Variants in ELK3 observed in about 807,000 individuals in gnomAD.
The protein encoded by ELK3 is ETS domain-containing protein Elk-3.
Under a neutral mutation model 28.9 loss-of-function variants are expected in ELK3, and 10 were observed. The ratio of observed to expected loss-of-function variants is 0.35; its 90% CI spans 0.21 to 0.59. The LOEUF (loss-of-function observed/expected upper bound fraction) is 0.59, where lower values mean the gene tolerates loss of function less well. Ranked by LOEUF, ELK3 falls within the 20% of genes least tolerant of loss-of-function variation. The pLI, the probability that ELK3 is intolerant of heterozygous loss-of-function variation, is 0.82. For synonymous variants in ELK3, 272 were observed against 243.5 expected, an observed-to-expected ratio of 1.12 and a Z score of -1.09; for missense variants, 463 against 517.3, an observed-to-expected ratio of 0.90 and a Z score of 1.02.
At chr12:96,260,224 TGTTTGAGCCCAGGA>T (rs1323761304) in intron 4 of ELK3, among the ~76,000 whole-genome samples, 3 of 152,188 alleles carry the variant, frequency 2.0e-5, no homozygotes, top group Admixed American at 2.0e-4. Context: ...GTGGGAGGAT[TGTTTGAGCCCAGGA>T]GTTTGAGACC....
rs564184613 is a variant in ELK3 at position 96,267,342 on chromosome 12, CTG to C, written c.*164_*165del. 1,326 of 574,710 alleles carry C rather than the reference CTG, an allele frequency of 2.3e-3. 17 individuals are homozygous for C. Among genetic ancestry groups the C allele is most frequent in the Middle Eastern group, 0.018 (66 of 3,584 alleles). The allele number at this position is 574,710 out of a possible 1,614,324, so 35.6% of individuals were successfully genotyped here. A position where few individuals can be genotyped will look rare whatever the true frequency, so the allele number is the denominator to read the frequency against. ...TAGATTTATGTTAGCATTTTAAAAA[CTG>C]TTTTTGATATATTCAAGTATATATG... On this transcript the variant is annotated 3_prime_UTR_variant, in exon 5 of 5. Coordinates refer to ENST00000228741, the MANE Select transcript of ELK3 (RefSeq NM_005230.4).
chr12:96,223,468 G>T, intron 1 of ELK3, 97 bp from the exon 2 acceptor site: 4 of 1,144,796 alleles, frequency 3.5e-6, no homozygotes, highest in East Asian at 2.4e-5. Flanking sequence ...GGGAAGGAGG[G>T]GACAGCTGAG....
chr12:96,210,597 A>ACACACACACACACCCCCC (rs1416746905), intron 1 of ELK3, among the ~76,000 whole-genome samples: 1 of 148,958 alleles, frequency 6.7e-6, no homozygotes, highest in Admixed American at 6.7e-5. Context: ...ACACACACAC[A>ACACACACACACACCCCCC]CCCCGAGTGG....
intron 2 of ELK3, among the ~76,000 whole-genome samples, chr12:96,229,465 C>T (rs769334153): frequency 1.4e-4 from 21 of 151,382 alleles, no homozygotes; most frequent in African/African-American, 4.1e-4. Flanking sequence ...CAGCCTCACT[C>T]GGATCGCTGC....
intron 1 of ELK3, among the ~76,000 whole-genome samples, chr12:96,206,344 TCTCA>T (rs1455901395): frequency 1.3e-5 from 2 of 151,768 alleles, no homozygotes; most frequent in South Asian, 2.1e-4. Flanking sequence ...TGAGACAGAG[TCTCA>T]CTCTGTTGTC....
At chr12:96,259,179 T>A (rs1021264212) in intron 3 of ELK3, among the ~76,000 whole-genome samples, 1 of 152,222 alleles carries the variant, frequency 6.6e-6, no homozygotes, top group African/African-American at 2.4e-5. Context: ...ACTTGAATTT[T>A]CCACCAGAAT....
chr12:96,253,401 C>G (rs1039227787), intron 3 of ELK3, among the ~76,000 whole-genome samples: 2 of 152,238 alleles, frequency 1.3e-5, no homozygotes, highest in African/African-American at 4.8e-5. Context: ...GCTTCCTCCC[C>G]TGTCCCTTTC....
intron 1 of ELK3, among the ~76,000 whole-genome samples, chr12:96,201,580 CAAAAAAAAAAA>C (rs11298632): frequency 3.6e-5 from 3 of 82,934 alleles, no homozygotes; most frequent in African/African-American, 1.5e-4. Flanking sequence ...AACCCTGTCT[CAAAAAAAAAAA>C]AAAAAAAAAA....
intron 4 of ELK3, among the ~76,000 whole-genome samples, chr12:96,261,246 G>A (rs796623656): frequency 5.0e-4 from 76 of 152,204 alleles, no homozygotes; most frequent in African/African-American, 1.8e-3. Context: ...TTAGGGTAGG[G>A]TGTCATGAAG....
rs376761476 is a variant in ELK3, at chr12:96,237,883, C to T, written c.208-9057C>T. 6.6e-5 allele frequency among the ~76,000 whole-genome samples: 10 copies of T among 152,312 alleles called. No homozygotes were observed. The East Asian group carries it at 9.6e-4, about 15-fold the overall frequency. ...TTCTAACTTTGGAGAAAGGACACTT[C>T]GGGTTTCATGTCAGGAAGGAGTGAG... On this transcript the variant is annotated intron_variant, in intron 2 of 4. Transcript: ENST00000228741.
At chr12:96,234,169 T>C (rs1418410900) in intron 2 of ELK3, among the ~76,000 whole-genome samples, 1 of 152,164 alleles carries the variant, frequency 6.6e-6, no homozygotes, top group African/African-American at 2.4e-5. Context: ...GCTGCCTGTC[T>C]TGCACGTGCT....
At chr12:96,199,188 G>A (rs1951492610) in intron 1 of ELK3, among the ~76,000 whole-genome samples, 1 of 152,184 alleles carries the variant, frequency 6.6e-6, no homozygotes, top group Non-Finnish European at 1.5e-5. Flanking sequence ...AATGTTAAAT[G>A]ATGAAGAGAA....
Position 96,203,156 on chromosome 12 carries a change from C to T in ELK3, c.-3+8451C>T, listed in dbSNP as rs543964094. Among the ~76,000 whole-genome samples, 8 of 152,344 alleles carry T rather than the reference C, an allele frequency of 5.3e-5. No homozygotes were observed. In the East Asian group the frequency reaches 1.4e-3, roughly 26 times the overall value. On this transcript the variant is annotated intron_variant, in intron 1 of 4. Coordinates refer to ENST00000228741, the MANE Select transcript of ELK3 (RefSeq NM_005230.4). ...TCAGCTTCCCAAAGTGCTGGGATTACAGGCATGAGCCACCATACCTGGCCA... is the reference window on the plus strand; with the variant it reads ...TCAGCTTCCCAAAGTGCTGGGATTATAGGCATGAGCCACCATACCTGGCCA...
At chr12:96,214,965 A>T (rs1046925321) in intron 1 of ELK3, among the ~76,000 whole-genome samples, 1 of 152,220 alleles carries the variant, frequency 6.6e-6, no homozygotes, top group Non-Finnish European at 1.5e-5. Flanking sequence ...CAGAATTTTC[A>T]GTAAGAAGTG....
intron 1 of ELK3, among the ~76,000 whole-genome samples, chr12:96,212,112 A>G (rs1951582928): frequency 6.6e-6 from 1 of 152,230 alleles, no homozygotes; most frequent in Non-Finnish European, 1.5e-5. Flanking sequence ...AACACAAGAC[A>G]AAATGAAACC....
chr12:96,242,028 A>G (rs1951824956), intron 2 of ELK3, among the ~76,000 whole-genome samples: 2 of 152,314 alleles, frequency 1.3e-5, no homozygotes, highest in South Asian at 4.1e-4. Context: ...ACACTCTAAA[A>G]CCACGCTGGA....
In ELK3 at chr12:96,269,490, G is replaced by T. The variant is rs1272817310; in HGVS notation, c.*2310G>T. On this transcript the variant is annotated 3_prime_UTR_variant, in exon 5 of 5. Coordinates refer to ENST00000228741, the MANE Select transcript of ELK3 (RefSeq NM_005230.4). ...GCAAAAATACTACAATTTTTTGATG[G>T]ATGAAAATACTCCTGTAACACAAAC... 6.6e-6 allele frequency: 1 copy of T among 152,152 alleles called. No individual in the cohort carries two copies. Among genetic ancestry groups the T allele is most frequent in the African/African-American group, 2.4e-5 (1 of 41,440 alleles). The allele number at this position is 152,152 out of a possible 1,614,324, so 9.4% of individuals were successfully genotyped here. A position where few individuals can be genotyped will look rare whatever the true frequency, so the allele number is the denominator to read the frequency against.
intron 2 of ELK3, 149 bp downstream of exon 2, chr12:96,223,922 T>C (rs143918967): frequency 1.4e-5 from 11 of 801,710 alleles, no homozygotes; most frequent in Middle Eastern, 3.7e-4. Flanking sequence ...AGAAAAGCTG[T>C]GCTGTAGGGA....
chr12:96,196,603 G>A (rs908502877), intron 1 of ELK3, among the ~76,000 whole-genome samples: 1 of 152,056 alleles, frequency 6.6e-6, no homozygotes, highest in Non-Finnish European at 1.5e-5. Flanking sequence ...TGTTAGGAGG[G>A]CACATGGGTC....
Sources: gnomAD v4.1 joint callset for allele counts (sites outside exome capture counted in the v4.1 genomes callset) on GRCh38, gnomAD v4.1.1 for gene constraint, MANE v1.5 for transcripts, NCBI Gene and HGNC (gene_info 2026-07-23, HGNC 2026-07-21) for gene names.